PCDH15: variants seen among roughly 807,000 people sequenced by gnomAD.
PCDH15 encodes the protein protocadherin-15.
In PCDH15, 129 loss-of-function variants were observed where a neutral mutation model predicts 178.5. The observed-to-expected ratio is 0.72, with a 90% CI of 0.63 to 0.84. PCDH15 has a LOEUF of 0.84. PCDH15 is among the 40% of genes least tolerant of loss of function. PCDH15 has a pLI of 0.00. For synonymous variants in PCDH15, 800 were observed against 732.0 expected, an observed-to-expected ratio of 1.09 and a Z score of -1.50; for missense variants, 2,230 against 2,099.9, an observed-to-expected ratio of 1.06 and a Z score of -1.21.
intron 1 of PCDH15, among the ~76,000 whole-genome samples, chr10:55,237,540 T>C (rs1159933311): frequency 1.3e-5 from 2 of 152,168 alleles, no homozygotes; most frequent in African/African-American, 2.4e-5. Flanking sequence ...TTCAGTAGAT[T>C]ATCATTATTT....
chr10:55,618,780 A>T (rs997149763), intron 2 of PCDH15, among the ~76,000 whole-genome samples: 3 of 152,044 alleles, frequency 2.0e-5, no homozygotes, highest in African/African-American at 7.2e-5. Context: ...ACAATTGCCC[A>T]GTATTGTGTA....
intron 28 of PCDH15, among the ~76,000 whole-genome samples, chr10:53,849,732 C>T (rs1265320370): frequency 2.0e-5 from 3 of 151,202 alleles, no homozygotes; most frequent in Non-Finnish European, 4.4e-5. Flanking sequence ...GGCATGGTGG[C>T]GGGCACCTGT....
intron 20 of PCDH15, among the ~76,000 whole-genome samples, chr10:54,010,449 C>A (rs1463739152): frequency 3.9e-5 from 6 of 152,136 alleles, no homozygotes; most frequent in African/African-American, 1.4e-4. Flanking sequence ...CTGTTGCCCT[C>A]AGGCTCAGGA....
At chr10:55,526,243 T>C (rs1187656393) in intron 2 of PCDH15, among the ~76,000 whole-genome samples, 1 of 151,884 alleles carries the variant, frequency 6.6e-6, no homozygotes, top group South Asian at 2.1e-4. Flanking sequence ...CACAATTCTA[T>C]TTTTTTCATT....
chr10:54,941,236 A>G (rs1042697437), intron 2 of PCDH15, among the ~76,000 whole-genome samples: 2 of 152,056 alleles, frequency 1.3e-5, no homozygotes, highest in Admixed American at 6.6e-5. Flanking sequence ...CTTCACCTCC[A>G]TAGTCAATTT....
intron 3 of PCDH15, among the ~76,000 whole-genome samples, chr10:54,837,383 A>G (rs1388212374): frequency 2.6e-5 from 4 of 152,144 alleles, no homozygotes; most frequent in African/African-American, 9.6e-5. Flanking sequence ...CACTGCGCCA[A>G]TTGCAAAACT....
intron 1 of PCDH15, among the ~76,000 whole-genome samples, chr10:55,256,098 C>CTT (rs1271263842): frequency 6.6e-6 from 1 of 151,936 alleles, no homozygotes; most frequent in Non-Finnish European, 1.5e-5. Context: ...ACATTTAAGT[C>CTT]TTTAATCCAT....
At position 54,195,693 on chromosome 10, in the gene PCDH15, T is replaced by C. The variant is rs777625219; in HGVS notation, c.1295A>G (p.Asp432Gly). Residue 432 changes from aspartate to glycine, a missense_variant, in exon 11 of 38, where the codon GAC becomes GGC. Asp to Gly is a moderately conservative substitution (Grantham distance 94). Transcript: ENST00000644397. ...ATGTATTTAACTTACATCTTCTATG[T>C]CCTTGTCCAGAGCTACTATTCTTAA... ...SPLRIVALDK[D>G]IEDTKDPELH... is the part of the protein sequence containing the mutation. 6.2e-7 allele frequency: 1 copy of C among 1,613,372 alleles called. No homozygotes were observed. The highest frequency in any genetic ancestry group is 8.5e-7 in the Non-Finnish European group (1 of 1,179,340).
chr10:53,992,165 G>A (rs1589805443), intron 21 of PCDH15, among the ~76,000 whole-genome samples: 1 of 152,026 alleles, frequency 6.6e-6, no homozygotes, highest in Non-Finnish European at 1.5e-5. Flanking sequence ...CTCCAGACGT[G>A]CTGCCTTAAG....
chr10:55,414,294 G>T (rs1447316121), intron 2 of PCDH15, among the ~76,000 whole-genome samples: 1 of 151,406 alleles, frequency 6.6e-6, no homozygotes, highest in Non-Finnish European at 1.5e-5. Flanking sequence ...GTGTAGGTTG[G>T]TATACTCATA....
At chr10:55,384,314 T>C (rs899531596) in intron 2 of PCDH15, among the ~76,000 whole-genome samples, 1 of 152,184 alleles carries the variant, frequency 6.6e-6, no homozygotes, top group Non-Finnish European at 1.5e-5. Context: ...TACCATTGTG[T>C]ATTTTGGTAA....
chr10:54,489,981 A>T (rs1332802072), intron 3 of PCDH15, among the ~76,000 whole-genome samples: 1 of 152,186 alleles, frequency 6.6e-6, no homozygotes, highest in Non-Finnish European at 1.5e-5. Flanking sequence ...TTAAATTATA[A>T]ATCTGATCCT....
intron 2 of PCDH15, among the ~76,000 whole-genome samples, chr10:55,386,369 G>GGA (rs1034800144): frequency 6.6e-6 from 1 of 151,842 alleles, no homozygotes. Context: ...TAATATTTGA[G>GGA]GAGTTATTAA....
At chr10:54,784,901 C>T (rs971561911) in intron 1 of PCDH15, among the ~76,000 whole-genome samples, 2 of 151,680 alleles carry the variant, frequency 1.3e-5, no homozygotes, top group African/African-American at 4.8e-5. Flanking sequence ...ATTTTTTCTA[C>T]CTCTGACTTC....
intron 1 of PCDH15, among the ~76,000 whole-genome samples, chr10:54,684,357 T>C (rs2094955905): frequency 6.6e-6 from 1 of 151,874 alleles, no homozygotes; most frequent in Non-Finnish European, 1.5e-5. Context: ...CTAAAATAGA[T>C]ACTCTAGGAT....
At chr10:54,765,871 T>C (rs1948445503) in intron 1 of PCDH15, among the ~76,000 whole-genome samples, 3 of 152,150 alleles carry the variant, frequency 2.0e-5, no homozygotes, top group African/African-American at 4.8e-5. Flanking sequence ...CACAATTTCA[T>C]AGACAAGAAG....
In PCDH15 at chr10:54,512,663, G is replaced by T. The variant is rs559474579; in HGVS notation, c.157+15149C>A. On this transcript the variant is annotated intron_variant, in intron 3 of 37. Transcript: ENST00000644397. ...GTTAAATCATTTGCAGTTTCTTAGA[G>T]GTTTTAAATAAAAATATTTACTCAT... Among the ~76,000 whole-genome samples, 3 of 149,712 alleles carry T rather than the reference G, an allele frequency of 2.0e-5. No individual in the cohort carries two copies. The South Asian group carries it at 6.3e-4, about 31-fold the overall frequency.
At chr10:53,859,586 A>C (rs1014929228) in intron 27 of PCDH15, among the ~76,000 whole-genome samples, 2 of 152,040 alleles carry the variant, frequency 1.3e-5, no homozygotes, top group African/African-American at 2.4e-5. Flanking sequence ...ATTTCCCTAC[A>C]TTCATCCTGC....
chr10:55,446,385 G>T (rs1412768679), intron 2 of PCDH15, among the ~76,000 whole-genome samples: 2 of 151,682 alleles, frequency 1.3e-5, no homozygotes, highest in Admixed American at 1.3e-4. Flanking sequence ...GTTCTAAAAA[G>T]AAAACATTCA....
Sources: allele counts gnomAD v4.1 joint callset (sites outside exome capture counted in the v4.1 genomes callset), GRCh38; gene constraint gnomAD v4.1.1; transcripts MANE v1.5; gene names NCBI Gene and HGNC (gene_info 2026-07-23, HGNC 2026-07-21).